Variants in GPLD1 observed in about 807,000 individuals in gnomAD.
GPLD1 encodes glycosylphosphatidylinositol specific phospholipase D1.
A neutral mutation model predicts 112.6 loss-of-function variants in GPLD1; 84 were observed. The ratio of observed to expected loss-of-function variants is 0.75; its 90% CI spans 0.63 to 0.89. The LOEUF (loss-of-function observed/expected upper bound fraction) is 0.89. GPLD1 is among the 40% of genes least tolerant of loss of function. GPLD1 has a pLI of 0.00. For synonymous variants in GPLD1, 386 were observed against 403.8 expected (o/e 0.96, Z 0.53); for missense variants, 1,044 against 1,051.5 (o/e 0.99, Z 0.10).
At position 24,482,097 on chromosome 6, in the gene GPLD1, A is replaced by ATTT. The variant is rs66567770; in HGVS notation, c.154-2141_154-2139dup. 1.8e-3 allele frequency among the ~76,000 whole-genome samples: 185 copies of ATTT among 103,150 alleles called. 3 individuals are homozygous for ATTT. Among genetic ancestry groups the ATTT allele is most frequent in the Middle Eastern group, 5.4e-3 (1 of 184 alleles). 67.7% of individuals were successfully genotyped at this position (103,150 alleles called of 152,430 possible). ...TTCAGATATTAAAATGTATTTTTGG[A>ATTT]TTTTTTTTTTTTTTTTTTTTTGAGA... On this transcript the variant is annotated intron_variant, in intron 2 of 24. Coordinates refer to ENST00000230036, the MANE Select transcript of GPLD1 (RefSeq NM_001503.4).
At chr6:24,479,562 T>C (rs763106287) in intron 3 of GPLD1, among the ~76,000 whole-genome samples, 7 of 152,190 alleles carry the variant, frequency 4.6e-5, no homozygotes, top group Non-Finnish European at 8.8e-5. Context: ...CATGCTAATA[T>C]AGAAGGAACA....
chr6:24,467,042 C>CA, intron 8 of GPLD1, 103 bp from the exon 9 acceptor site: 1 of 1,133,506 alleles, frequency 8.8e-7, no homozygotes, highest in South Asian at 1.3e-5. Context: ...CACCGTCATG[C>CA]AACTGCCTTT....
intron 24 of GPLD1, among the ~76,000 whole-genome samples, chr6:24,430,620 C>T (rs17306130): frequency 0.12 from 17,550 of 152,088 alleles, 1,337 homozygotes; most frequent in East Asian, 0.15. Context: ...AAGTAGACGC[C>T]GGATCCTAAT....
intron 2 of GPLD1, among the ~76,000 whole-genome samples, chr6:24,480,325 G>GT (rs1177828505): frequency 6.6e-6 from 1 of 151,376 alleles, no homozygotes; most frequent in Non-Finnish European, 1.5e-5. Context: ...TTTTGTTGCT[G>GT]TTGTTGTTTG....
rs778155604 is a variant in GPLD1 at position 24,436,624 on chromosome 6, G to A, written c.2310C>T (p.Asp770=). 1.2e-6 allele frequency: 2 copies of A among 1,613,960 alleles called. No homozygotes were observed. The highest frequency in any genetic ancestry group is 2.2e-5 in the South Asian group (2 of 91,090). Residue 770 remains aspartate (D), a synonymous_variant, in exon 22 of 25, where the codon GAC becomes GAT. Transcript: ENST00000230036. ...TCCATGATTTGCATTTGCCAGTCATGTCACCAAGGGTGGTCTCTTTGCCAT... is the reference window on the plus strand; with the variant it reads ...TCCATGATTTGCATTTGCCAGTCATATCACCAAGGGTGGTCTCTTTGCCAT... ...VYNGKETTLG[D]MTGKCKSWIT...
chr6:24,437,977 C>T (rs1160394528), intron 20 of GPLD1, among the ~76,000 whole-genome samples: 1 of 152,198 alleles, frequency 6.6e-6, no homozygotes. Flanking sequence ...GCTCTGGGCA[C>T]AAACGCTACA....
rs559388972 is a variant in GPLD1 at position 24,447,818 on chromosome 6, T to A, written c.1678+59A>T. 10 of 1,508,738 alleles carry A rather than the reference T, an allele frequency of 6.6e-6. No homozygotes were observed. In the African/African-American group the frequency reaches 1.1e-4, roughly 17 times the overall value. The allele number at this position is 1,508,738 out of a possible 1,614,324, so 93.5% of individuals were successfully genotyped here. ...AAAGGATATAAACCCCTATGCAGGA[T>A]AAGTTGTCGTAGACACACAGAGCAG... On this transcript the variant is annotated intron_variant, in intron 17 of 24. Coordinates refer to ENST00000230036, the MANE Select transcript of GPLD1 (RefSeq NM_001503.4).
At chr6:24,494,930 G>C in intron 1 of GPLD1, 4 of 1,260,190 alleles carry the variant, frequency 3.2e-6, no homozygotes, top group Non-Finnish European at 3.0e-6. Context: ...TTGCTTCCCC[G>C]CGACCCCTGC....
Position 24,479,899 on chromosome 6 carries a change from G to T in GPLD1, c.214C>A (p.Pro72Thr). The change falls in exon 3 of 25, where the codon CCT (proline) becomes ACT (threonine). Residue 72 changes from proline (P) to threonine (T), a missense_variant. Coordinates refer to ENST00000230036, the MANE Select transcript of GPLD1 (RefSeq NM_001503.4). Reference sequence around the variant, plus strand: ...ATCTTACCTCCTTTGCAGATGCTAGGGTAAAAACAATCAGGAAACACGATT... The same window carrying T: ...ATCTTACCTCCTTTGCAGATGCTAGTGTAAAAACAATCAGGAAACACGATT... The part of the protein sequence containing the change: ...AGIVFPDCFY[P>T]SICKGGKFHD... 1 of 1,605,770 alleles carries T rather than the reference G, an allele frequency of 6.2e-7. No individual in the cohort carries two copies. The highest frequency in any genetic ancestry group is 8.5e-7 in the Non-Finnish European group (1 of 1,172,494).
rs530402092 is a variant in GPLD1, at chr6:24,478,802, T to C, written c.232+1079A>G. The stretch of plus-strand genomic sequence containing the variant: ...CCAGTAATCTCTCCCTCCCTTGAAC[T>C]ATCTTTTGCAATTCCTCGCCTCCTG... On this transcript the variant is annotated intron_variant, in intron 3 of 24. Coordinates refer to ENST00000230036, the MANE Select transcript of GPLD1 (RefSeq NM_001503.4). Among the ~76,000 whole-genome samples the C allele has an allele frequency of 3.3e-5, 5 of 152,272 alleles. No homozygotes were observed. The South Asian group carries it at 8.3e-4, about 25-fold the overall frequency.
At chr6:24,471,464 A>G (rs1202364860) in intron 7 of GPLD1, among the ~76,000 whole-genome samples, 1 of 152,034 alleles carries the variant, frequency 6.6e-6, no homozygotes, top group Admixed American at 6.6e-5. Context: ...GACTGGCTCA[A>G]AAAAAAAGAC....
chr6:24,453,209 T>TA (rs2127341493), intron 14 of GPLD1, among the ~76,000 whole-genome samples: 1 of 152,318 alleles, frequency 6.6e-6, no homozygotes, highest in African/African-American at 2.4e-5. Context: ...GTTTAGTTAA[T>TA]AGTGATGTAC....
At position 24,450,607 on chromosome 6, in the gene GPLD1, GA is replaced by G. The variant is rs374017067; in HGVS notation, c.1336-709del. On this transcript the variant is annotated intron_variant, in intron 14 of 24. Transcript: ENST00000230036. ...ACTCAGGATGTTCTAGAGCCATGCT[GA>G]CCAAGGTGGTAGCCCCTAGCCAAAT... is the stretch of plus-strand genomic sequence containing the variant. Among the ~76,000 whole-genome samples the G allele has an allele frequency of 1.9e-3, 294 of 152,348 alleles. 2 individuals are homozygous for G. Among genetic ancestry groups the G allele is most frequent in the African/African-American group, 6.9e-3 (286 of 41,584 alleles).
intron 2 of GPLD1, among the ~76,000 whole-genome samples, chr6:24,480,390 G>A (rs202046666): frequency 3.9e-5 from 6 of 152,158 alleles, no homozygotes; most frequent in East Asian, 3.9e-4. Context: ...GTGCAGTGGC[G>A]CAATCTCAGC....
Position 24,460,353 on chromosome 6 carries a change from G to C in GPLD1, c.934C>G (p.Leu312Val), listed in dbSNP as rs559689521. ...NDFHRNLTTS[L>V]TESVDRNINY... ...ATATTCCTGTCAACACTTTCAGTTA[G>C]GGATGTAGTCAAATTTCTGTGAAAA... The change falls in exon 12 of 25, where the codon CTA becomes GTA. Residue 312 changes from leucine (L) to valine (V), a missense_variant. Leu to Val is a conservative substitution (Grantham distance 32). Coordinates refer to ENST00000230036, the MANE Select transcript of GPLD1 (RefSeq NM_001503.4). 5 of 1,612,942 alleles carry C rather than the reference G, an allele frequency of 3.1e-6. No individual in the cohort carries two copies. Among genetic ancestry groups the C allele is most frequent in the Non-Finnish European group, 4.2e-6 (5 of 1,178,924 alleles).
Position 24,456,512 on chromosome 6 carries a change from A to G in GPLD1, c.1134T>C (p.Tyr378=), listed in dbSNP as rs112837576. The change falls in exon 13 of 25, where the codon TAT becomes TAC. Residue 378 remains tyrosine, a synonymous_variant. Coordinates refer to ENST00000230036, the MANE Select transcript of GPLD1 (RefSeq NM_001503.4). ...CTTATACGTACCAGCCAAGCCTCGC[A>G]TAAGGAAATGACAAGAAGTAAGATG... ...PLASYFLSFP[Y]ARLGWAMTSA... is the part of the protein sequence containing the mutation. The G allele has an allele frequency of 2.5e-6, 4 of 1,608,866 alleles. No individual in the cohort carries two copies. Among genetic ancestry groups the G allele is most frequent in the Non-Finnish European group, 3.4e-6 (4 of 1,176,876 alleles).
intron 22 of GPLD1, chr6:24,433,649 C>T (rs1292970121): frequency 8.4e-6 from 3 of 359,106 alleles, no homozygotes; most frequent in East Asian, 1.2e-4. Context: ...CCCACCACCA[C>T]GCCCGGTTAA....
chr6:24,470,593 T>C (rs2127358024), intron 7 of GPLD1, among the ~76,000 whole-genome samples: 1 of 151,974 alleles, frequency 6.6e-6, no homozygotes, highest in African/African-American at 2.4e-5. Flanking sequence ...AATGGTAAAT[T>C]TTTTTTTCTT....
chr6:24,436,982 A>C, intron 21 of GPLD1, 131 bp downstream of exon 21: 1 of 828,458 alleles, frequency 1.2e-6, no homozygotes, highest in Non-Finnish European at 1.9e-6. Flanking sequence ...GCCTCATTCA[A>C]GATCTGTCTA....
Sources: gnomAD v4.1 joint callset for allele counts (sites outside exome capture counted in the v4.1 genomes callset) on GRCh38, gnomAD v4.1.1 for gene constraint, MANE v1.5 for transcripts, NCBI Gene and HGNC (gene_info 2026-07-23, HGNC 2026-07-21) for gene names.